The following HOMER2 variants were observed in gnomAD, a reference collection of about 807,000 sequenced individuals.
HOMER2 encodes the protein homer scaffold protein 2.
A neutral mutation model predicts 47.0 loss-of-function variants in HOMER2; 27 were observed. The observed-to-expected ratio is 0.57, with a 90% CI of 0.42 to 0.79. HOMER2 has a LOEUF of 0.79. Ranked by LOEUF, HOMER2 falls within the 30% of genes least tolerant of loss-of-function variation. The probability of loss-of-function intolerance (pLI) is 0.00; values close to 1 mark genes in which losing one functional copy is unlikely to be tolerated. For missense variants in HOMER2, 443 were observed against 435.0 expected (o/e 1.02, Z -0.16); for synonymous variants, 161 against 163.8 (o/e 0.98, Z 0.13).
intron 1 of HOMER2, among the ~76,000 whole-genome samples, chr15:82,930,795 G>A (rs1309643028): frequency 2.0e-5 from 3 of 152,236 alleles, no homozygotes; most frequent in Non-Finnish European, 4.4e-5. Flanking sequence ...GGAGGCCGAG[G>A]AGGGTAGATC....
intron 1 of HOMER2, among the ~76,000 whole-genome samples, chr15:82,907,269 A>C (rs984039031): frequency 3.9e-5 from 6 of 152,084 alleles, no homozygotes; most frequent in African/African-American, 1.4e-4. Context: ...AGGCATGAGA[A>C]TCGCTTCAAC....
At chr15:82,968,619 A>C (rs1193057756) in intron 1 of HOMER2, among the ~76,000 whole-genome samples, 1 of 152,192 alleles carries the variant, frequency 6.6e-6, no homozygotes, top group African/African-American at 2.4e-5. Flanking sequence ...AGTTGGTCTT[A>C]CTTCACTTAT....
chr15:82,846,482 G>A (rs997912542), downstream of HOMER2: 1 of 152,172 alleles, frequency 6.6e-6, no homozygotes, highest in Non-Finnish European at 1.5e-5. Flanking sequence ...CAGGATATAA[G>A]AATTATTTTC....
intron 1 of HOMER2, among the ~76,000 whole-genome samples, chr15:82,927,853 C>T (rs2053892866): frequency 6.6e-6 from 1 of 151,986 alleles, no homozygotes; most frequent in Non-Finnish European, 1.5e-5. Context: ...GCCTGTAATC[C>T]CAGCTACTTC....
chr15:82,867,361 T>C (rs1299492502), intron 3 of HOMER2, among the ~76,000 whole-genome samples: 1 of 90,908 alleles, frequency 1.1e-5, no homozygotes, highest in Admixed American at 1.1e-4. Context: ...CTTTTGAATA[T>C]AAAAGGAAAA....
chr15:82,897,060 CATTTCTTTT>C (rs1185706764), intron 1 of HOMER2, among the ~76,000 whole-genome samples: 1 of 64,218 alleles, frequency 1.6e-5, no homozygotes, highest in African/African-American at 8.3e-5. Flanking sequence ...AATTTGATGT[CATTTCTTTT>C]TTTTTTTTTT....
At chr15:82,931,646 G>A (rs2054014306) in intron 1 of HOMER2, among the ~76,000 whole-genome samples, 1 of 151,712 alleles carries the variant, frequency 6.6e-6, no homozygotes, top group African/African-American at 2.4e-5. Context: ...AGACCATCCT[G>A]GCTAACACGG....
intron 1 of HOMER2, among the ~76,000 whole-genome samples, chr15:82,923,486 CAAAAAAAAAA>C (rs555074000): frequency 6.9e-4 from 39 of 56,334 alleles, no homozygotes; most frequent in African/African-American, 2.6e-3. Context: ...GAGTCCGTCT[CAAAAAAAAAA>C]AAAAAAAAAG....
At chr15:82,875,079 C>A (rs926264347) in intron 3 of HOMER2, among the ~76,000 whole-genome samples, 194 bp downstream of exon 3, 1 of 152,198 alleles carries the variant, frequency 6.6e-6, no homozygotes, top group East Asian at 1.9e-4. Flanking sequence ...ACGAATTTCC[C>A]TTCCCCAGAT....
intron 1 of HOMER2, among the ~76,000 whole-genome samples, chr15:82,910,726 C>T (rs2053428178): frequency 6.6e-6 from 1 of 152,052 alleles, no homozygotes; most frequent in African/African-American, 2.4e-5. Context: ...GTCTTTGCTC[C>T]CTTCTAAATT....
chr15:82,911,967 T>C (rs1054029669), intron 1 of HOMER2, among the ~76,000 whole-genome samples: 1 of 152,008 alleles, frequency 6.6e-6, no homozygotes, highest in South Asian at 2.1e-4. Flanking sequence ...GAGGCGGAGG[T>C]TGCAGTGAGC....
chr15:82,866,533 G>A (rs923142595), intron 3 of HOMER2, among the ~76,000 whole-genome samples: 5 of 152,328 alleles, frequency 3.3e-5, no homozygotes, highest in Admixed American at 3.3e-4. Flanking sequence ...GATGACATGA[G>A]ATTTGGGAGG....
rs137930155 is a variant in HOMER2, at chr15:82,960,783, C to T, written n.83-1475G>A. Among the ~76,000 whole-genome samples, 22 of 152,258 alleles carry T rather than the reference C, an allele frequency of 1.4e-4. No homozygotes were observed. In the East Asian group the frequency reaches 3.9e-3, roughly 27 times the overall value. On this transcript the variant is annotated intron_variant and non_coding_transcript_variant, in intron 1 of 1. Coordinates refer to the HOMER2 transcript ENST00000500334. ...TTCTCCAGCCCCATCTGGGAGGCCTCGGTGGTAGTTCTGGTTCCTAGAATC... is the reference window on the plus strand; with the variant it reads ...TTCTCCAGCCCCATCTGGGAGGCCTTGGTGGTAGTTCTGGTTCCTAGAATC...
chr15:82,863,860 C>T (rs1405571426), intron 4 of HOMER2, among the ~76,000 whole-genome samples: 1 of 152,180 alleles, frequency 6.6e-6, no homozygotes, highest in African/African-American at 2.4e-5. Context: ...ACTCACCTCC[C>T]AGCACAGCCA....
intron 4 of HOMER2, among the ~76,000 whole-genome samples, chr15:82,863,189 C>T (rs2051850794): frequency 6.6e-6 from 1 of 151,952 alleles, no homozygotes. Context: ...TCATTTGCAA[C>T]CCCCTCCCCG....
chr15:82,838,837 G>C (rs1309961376), exon 2 of HOMER2: 1 of 152,132 alleles, frequency 6.6e-6, no homozygotes, highest in East Asian at 1.9e-4. Context: ...AATAGAGAAG[G>C]TCCTATTTCT....
chr15:82,878,324 TCA>T (rs995268842), intron 2 of HOMER2, among the ~76,000 whole-genome samples: 8 of 152,158 alleles, frequency 5.3e-5, no homozygotes, highest in African/African-American at 9.7e-5. Flanking sequence ...GGGCACTTTT[TCA>T]CAGTCTTTAA....
upstream of HOMER2, among the ~76,000 whole-genome samples, chr15:82,953,827 G>A (rs1009913265): frequency 6.6e-6 from 1 of 152,186 alleles, no homozygotes; most frequent in Admixed American, 6.5e-5. Flanking sequence ...ATCTTGTAGT[G>A]AGCCGAGATC....
At chr15:82,866,441 G>A (rs561635790) in intron 3 of HOMER2, among the ~76,000 whole-genome samples, 9 of 152,292 alleles carry the variant, frequency 5.9e-5, no homozygotes, top group South Asian at 2.1e-4. Flanking sequence ...AGATGAGACC[G>A]GACTGTGGAC....
Sources: allele counts gnomAD v4.1 joint callset (sites outside exome capture counted in the v4.1 genomes callset), GRCh38; gene constraint gnomAD v4.1.1; transcripts MANE v1.5; gene names NCBI Gene and HGNC (gene_info 2026-07-23, HGNC 2026-07-21).